The following HACE1 variants were observed in gnomAD, a reference collection of about 807,000 sequenced individuals.
HACE1 encodes HECT domain and ankyrin repeat containing E3 ubiquitin protein ligase 1.
Under a neutral mutation model 118.4 loss-of-function variants are expected in HACE1, and 73 were observed. The observed-to-expected ratio is 0.62, with a 90% CI of 0.51 to 0.75. HACE1 has a LOEUF of 0.75. Ranked by LOEUF, HACE1 falls within the 30% of genes least tolerant of loss-of-function variation. The pLI, the probability that HACE1 is intolerant of heterozygous loss-of-function variation, is 0.00. For missense variants in HACE1, 749 were observed against 1,102.2 expected (o/e 0.68, Z 4.54); for synonymous variants, 368 against 374.8 (o/e 0.98, Z 0.21).
chr6:104,843,735 C>T (rs1775333215), intron 4 of HACE1, among the ~76,000 whole-genome samples: 1 of 152,102 alleles, frequency 6.6e-6, no homozygotes, highest in Non-Finnish European at 1.5e-5. Context: ...GTTACAAAAC[C>T]ATACTCAGAA....
intron 7 of HACE1, among the ~76,000 whole-genome samples, chr6:104,802,783 C>T (rs1770525365): frequency 6.6e-6 from 1 of 152,120 alleles, no homozygotes. Flanking sequence ...AATCGACACC[C>T]TAACAGCACA....
At chr6:104,735,564 C>T (rs1197202381) in intron 22 of HACE1, among the ~76,000 whole-genome samples, 2 of 151,530 alleles carry the variant, frequency 1.3e-5, no homozygotes, top group African/African-American at 4.8e-5. Context: ...CCAGGAGGCG[C>T]AGCTTACAGT....
At chr6:104,729,884 A>G in intron 23 of HACE1, 120 bp from the exon 24 acceptor site, 1 of 689,680 alleles carries the variant, frequency 1.4e-6, no homozygotes, top group Non-Finnish European at 2.6e-6. Context: ...ATTTGCATTC[A>G]GATTGAAAAA....
intron 5 of HACE1, among the ~76,000 whole-genome samples, chr6:104,838,840 G>A (rs368925340): frequency 1.6e-5 from 2 of 122,336 alleles, no homozygotes. Flanking sequence ...CTATCCATCT[G>A]ACAAGGGATT....
chr6:104,796,797 C>A (rs779209481), intron 8 of HACE1, 41 bp from the exon 9 acceptor site: 14 of 1,238,614 alleles, frequency 1.1e-5, no homozygotes, highest in Non-Finnish European at 1.7e-5. Context: ...TAAAAACAGT[C>A]CCTTTTAAAG....
At chr6:104,800,721 T>A (rs1770236840) in intron 7 of HACE1, among the ~76,000 whole-genome samples, 1 of 152,008 alleles carries the variant, frequency 6.6e-6, no homozygotes, top group African/African-American at 2.4e-5. Context: ...GTAACCAACA[T>A]CAAAGACCAA....
At chr6:104,735,219 C>G (rs899186227) in intron 22 of HACE1, among the ~76,000 whole-genome samples, 5 of 151,260 alleles carry the variant, frequency 3.3e-5, no homozygotes, top group Non-Finnish European at 5.9e-5. Flanking sequence ...GAGTTAATAC[C>G]CCTAATATAT....
At chr6:104,784,364 TAAGTA>T (rs2114792543) in intron 13 of HACE1, 48 bp downstream of exon 13, 2 of 1,186,492 alleles carry the variant, frequency 1.7e-6, no homozygotes, top group South Asian at 2.4e-5. Flanking sequence ...GATGAAACTG[TAAGTA>T]AAGAGAGGAA....
intron 7 of HACE1, among the ~76,000 whole-genome samples, chr6:104,802,613 T>G (rs1179280281): frequency 6.6e-6 from 1 of 152,210 alleles, no homozygotes; most frequent in African/African-American, 2.4e-5. Context: ...CCTGAATGAC[T>G]ATTGGGTAAA....
chr6:104,822,143 T>C (rs2486142), intron 6 of HACE1, among the ~76,000 whole-genome samples: 145,964 of 146,386 alleles, frequency 1, 72,771 homozygotes, highest in Middle Eastern at 1. Flanking sequence ...CTGAGGCAGG[T>C]AGATCACAAG....
chr6:104,850,705 G>C (rs950532456), intron 3 of HACE1, among the ~76,000 whole-genome samples: 1 of 152,156 alleles, frequency 6.6e-6, no homozygotes, highest in African/African-American at 2.4e-5. Flanking sequence ...ACAAAGACAA[G>C]AGGGACATGA....
intron 3 of HACE1, among the ~76,000 whole-genome samples, chr6:104,849,949 C>CTT (rs35012688): frequency 1.5e-4 from 18 of 121,066 alleles, no homozygotes; most frequent in African/African-American, 4.1e-4. Context: ...CACGCCCGTC[C>CTT]TTTTTTTTTT....
intron 6 of HACE1, among the ~76,000 whole-genome samples, chr6:104,826,222 C>T (rs9322820): frequency 0.24 from 36,803 of 151,996 alleles, 4,783 homozygotes; most frequent in African/African-American, 0.34. Context: ...GGCCCTAGTG[C>T]CAAAAAGGTT....
intron 5 of HACE1, among the ~76,000 whole-genome samples, chr6:104,833,845 C>T (rs1352285110): frequency 6.6e-6 from 1 of 152,046 alleles, no homozygotes; most frequent in Non-Finnish European, 1.5e-5. Flanking sequence ...ATTAGCTGGA[C>T]GTGGTGGTGC....
intron 19 of HACE1, among the ~76,000 whole-genome samples, chr6:104,757,122 C>T (rs1778799959): frequency 6.6e-6 from 1 of 152,190 alleles, no homozygotes; most frequent in African/African-American, 2.4e-5. Context: ...CTAGATTCCA[C>T]CTCTAGGGGC....
intron 20 of HACE1, among the ~76,000 whole-genome samples, chr6:104,749,409 T>G (rs1402223315): frequency 2.0e-5 from 3 of 152,082 alleles, no homozygotes; most frequent in Non-Finnish European, 4.4e-5. Flanking sequence ...CAAAATTAAT[T>G]AGCAAATTTT....
chr6:104,792,230 G>A (rs1016445867), intron 10 of HACE1, among the ~76,000 whole-genome samples: 2 of 152,092 alleles, frequency 1.3e-5, no homozygotes, highest in East Asian at 3.9e-4. Context: ...TCTACGTAAC[G>A]GGCTGCCTTA....
chr6:104,795,766 T>C lies in HACE1; in HGVS notation c.817-81A>G, dbSNP rs768611461. 5.1e-4 allele frequency: 424 copies of C among 830,212 alleles called. 2 individuals carry two copies. Among genetic ancestry groups the C allele is most frequent in the Non-Finnish European group, 8.7e-5 (43 of 491,792 alleles). 51.4% of individuals were successfully genotyped at this position (830,212 alleles called of 1,614,324 possible). On this transcript the variant is annotated intron_variant, in intron 9 of 23. Coordinates refer to ENST00000262903, the MANE Select transcript of HACE1 (RefSeq NM_020771.4). Reference sequence around the variant, plus strand: ...CAAACAATTAAGTACCTATTAAGTATCTTAAAGCCAATTAGTCTAAATCAA... The same window carrying C: ...CAAACAATTAAGTACCTATTAAGTACCTTAAAGCCAATTAGTCTAAATCAA...
chr6:104,840,008 A>AAAAAT (rs576006000), intron 5 of HACE1, among the ~76,000 whole-genome samples: 2 of 152,218 alleles, frequency 1.3e-5, no homozygotes, highest in Non-Finnish European at 2.9e-5. Flanking sequence ...TCTGTCTCAA[A>AAAAAT]AAAATAAAAT....
Sources: allele counts gnomAD v4.1 joint callset (sites outside exome capture counted in the v4.1 genomes callset), GRCh38; gene constraint gnomAD v4.1.1; transcripts MANE v1.5; gene names NCBI Gene and HGNC (gene_info 2026-07-23, HGNC 2026-07-21).